The following VTCN1 variants were observed in gnomAD, a reference collection of about 807,000 sequenced individuals.
VTCN1 encodes V-set domain-containing T-cell activation inhibitor 1.
VTCN1 carries 26 observed loss-of-function variants against 26.5 expected under a neutral mutation model. The ratio of observed to expected loss-of-function variants is 0.98; its 90% CI spans 0.72 to 1.36. The LOEUF (loss-of-function observed/expected upper bound fraction) is 1.36. Ranked by LOEUF, VTCN1 falls within the 40% of genes most tolerant of loss-of-function variation. VTCN1 has a pLI of 0.00. For missense variants in VTCN1, 298 were observed against 337.7 expected, an observed-to-expected ratio of 0.88 and a Z score of 0.92; for synonymous variants, 116 against 130.7, an observed-to-expected ratio of 0.89 and a Z score of 0.77.
At chr1:117,209,873 CT>C (rs1649273177) in intron 1 of VTCN1, among the ~76,000 whole-genome samples, 1 of 152,238 alleles carries the variant, frequency 6.6e-6, no homozygotes, top group South Asian at 2.1e-4. Context: ...TAACATTACT[CT>C]CGTAGTCTCT....
intron 1 of VTCN1, among the ~76,000 whole-genome samples, chr1:117,202,464 G>A (rs187796474): frequency 1.4e-3 from 209 of 152,284 alleles, no homozygotes; most frequent in African/African-American, 4.8e-3. Context: ...ATGCTGAAGT[G>A]AAGACAAGAT....
intron 1 of VTCN1, among the ~76,000 whole-genome samples, chr1:117,187,489 C>T (rs1284008182): frequency 6.6e-6 from 1 of 152,112 alleles, no homozygotes; most frequent in East Asian, 1.9e-4. Context: ...TTGTGAGATA[C>T]ACAGACTCCT....
chr1:117,166,703 G>C (rs147190724), intron 2 of VTCN1, among the ~76,000 whole-genome samples: 1 of 150,496 alleles, frequency 6.6e-6, no homozygotes, highest in East Asian at 2.0e-4. Context: ...AAGCCTTAGT[G>C]AGGAAGGTAC....
intron 1 of VTCN1, among the ~76,000 whole-genome samples, chr1:117,177,949 G>T (rs1177170776): frequency 6.7e-6 from 1 of 149,148 alleles, no homozygotes; most frequent in Non-Finnish European, 1.5e-5. Flanking sequence ...GGCGGGGTAG[G>T]TTGGGGGTGG....
chr1:117,158,657 C>T (rs1652213051), intron 2 of VTCN1, among the ~76,000 whole-genome samples: 1 of 152,216 alleles, frequency 6.6e-6, no homozygotes, highest in Non-Finnish European at 1.5e-5. Flanking sequence ...TTCAGCTCCT[C>T]ATTACTTATG....
chr1:117,176,389 A>C (rs1489639062), intron 1 of VTCN1, among the ~76,000 whole-genome samples: 2 of 152,134 alleles, frequency 1.3e-5, no homozygotes, highest in East Asian at 3.9e-4. Flanking sequence ...CATGTTTGGA[A>C]GGCTCCTGTC....
At chr1:117,152,481 A>G (rs1003966155) in intron 4 of VTCN1, among the ~76,000 whole-genome samples, 1 of 152,198 alleles carries the variant, frequency 6.6e-6, no homozygotes, top group African/African-American at 2.4e-5. Context: ...TATGCACTAA[A>G]GCACTGCAGG....
At chr1:117,201,599 ATGAG>A (rs1184187003) in intron 1 of VTCN1, among the ~76,000 whole-genome samples, 1 of 152,198 alleles carries the variant, frequency 6.6e-6, no homozygotes. Flanking sequence ...AGGACCTGGC[ATGAG>A]TAAGTACCCA....
At chr1:117,178,614 G>C (rs1487887501) in intron 1 of VTCN1, among the ~76,000 whole-genome samples, 2 of 51,796 alleles carry the variant, frequency 3.9e-5, no homozygotes, top group Non-Finnish European at 3.6e-5. Flanking sequence ...TTTTTTTAGA[G>C]ACAGGGCCCG....
chr1:117,146,939 G>A lies in VTCN1; in HGVS notation c.*45+674C>T, dbSNP rs1651542739. 6.6e-6 allele frequency among the ~76,000 whole-genome samples: 1 copy of A among 152,124 alleles called. No individual in the cohort carries two copies. Among genetic ancestry groups the A allele is most frequent in the African/African-American group, 2.4e-5 (1 of 41,410 alleles). ...AGGGTCAATCTGAGAGGCAACACAGGGGAAAATGTGATAGGTAGGGGTTGA... is the reference window on the plus strand; with the variant it reads ...AGGGTCAATCTGAGAGGCAACACAGAGGAAAATGTGATAGGTAGGGGTTGA... On this transcript the variant is annotated intron_variant, in intron 5 of 5. Coordinates refer to ENST00000369458, the MANE Select transcript of VTCN1 (RefSeq NM_024626.4). This position sits in a 1 kb window ranked among gnomAD's most constrained non-coding sequence, Gnocchi z 4.2.
At chr1:117,163,414 G>A (rs970729344) in intron 2 of VTCN1, among the ~76,000 whole-genome samples, 4 of 152,142 alleles carry the variant, frequency 2.6e-5, no homozygotes, top group African/African-American at 9.7e-5. Flanking sequence ...GCTAAATATT[G>A]TACCTGAATT....
In VTCN1 at chr1:117,153,256, G is replaced by A. The variant is rs751633017; in HGVS notation, c.559C>T (p.Gln187Ter). 8.1e-6 allele frequency: 13 copies of A among 1,613,952 alleles called. No homozygotes were observed. The Admixed American group carries it at 2.2e-4, about 27-fold the overall frequency. Reference sequence around the variant, plus strand: ...GAGACTTCCGAGAAGTTGGCTCCCTGGTCAACTTGGGATGCCCAGACCACT... The same window carrying A: ...GAGACTTCCGAGAAGTTGGCTCCCTAGTCAACTTGGGATGCCCAGACCACT... ...PTVVWASQVD[Q>*]GANFSEVSNT... The change falls in exon 4 of 6, where the codon CAG becomes TAG. Residue 187 changes from glutamine (Q) to a stop codon, truncating the protein, a stop_gained. Coordinates refer to ENST00000369458, the MANE Select transcript of VTCN1 (RefSeq NM_024626.4). LOFTEE classifies it high-confidence loss of function.
At chr1:117,148,020 T>A (rs940570103) in intron 4 of VTCN1, among the ~76,000 whole-genome samples, 7 of 152,196 alleles carry the variant, frequency 4.6e-5, no homozygotes, top group Admixed American at 1.3e-4. Flanking sequence ...TGAAAAACTA[T>A]ACCAATAAGA....
intron 2 of VTCN1, among the ~76,000 whole-genome samples, chr1:117,162,723 G>A (rs1476956762): frequency 1.3e-5 from 2 of 152,192 alleles, no homozygotes; most frequent in Non-Finnish European, 2.9e-5. Flanking sequence ...TGAGGAAAGT[G>A]GGGCTGTTAA....
chr1:117,144,438 C>A lies in VTCN1; in HGVS notation c.*833G>T, dbSNP rs1651408968. ...TCTAGATGCTATTGAAAACTGAGGT[C>A]TTAGCTGTCCACGCAGGATGGAAAG... is the stretch of plus-strand genomic sequence containing the variant. On this transcript the variant is annotated 3_prime_UTR_variant, in exon 6 of 6. Coordinates refer to ENST00000369458, the MANE Select transcript of VTCN1 (RefSeq NM_024626.4). The A allele has an allele frequency of 2.6e-5, 4 of 152,150 alleles. No homozygotes were observed. Among genetic ancestry groups the A allele is most frequent in the Admixed American group, 2.0e-4 (3 of 15,266 alleles). The allele number at this position is 152,150 out of a possible 1,614,324, so 9.4% of individuals were successfully genotyped here.
chr1:117,172,627 A>G (rs770853647), intron 1 of VTCN1, among the ~76,000 whole-genome samples: 1 of 151,858 alleles, frequency 6.6e-6, no homozygotes, highest in Non-Finnish European at 1.5e-5. Context: ...ACCTATTATA[A>G]AGGCTGCATG....
In VTCN1 at chr1:117,199,624, C is replaced by A. The variant is rs376225571; in HGVS notation, c.32+11200G>T. Reference sequence around the variant, plus strand: ...TACAGGCGTGGGCCACTGTGCCCGGCCACAAGGAATTTTTTTTTTTTTTTT... The same window carrying A: ...TACAGGCGTGGGCCACTGTGCCCGGACACAAGGAATTTTTTTTTTTTTTTT... On this transcript the variant is annotated intron_variant, in intron 1 of 5. Transcript: ENST00000369458. Among the ~76,000 whole-genome samples the A allele has an allele frequency of 7.2e-5, 11 of 151,986 alleles. No homozygotes were observed. The East Asian group carries it at 1.5e-3, about 21-fold the overall frequency.
chr1:117,195,653 T>A (rs1285656398), intron 1 of VTCN1, among the ~76,000 whole-genome samples: 2 of 152,180 alleles, frequency 1.3e-5, no homozygotes, highest in African/African-American at 4.8e-5. Flanking sequence ...TAGTGAAAGT[T>A]ATTACTTTAA....
In VTCN1 at chr1:117,164,760, G is replaced by A. The variant is rs535759274; in HGVS notation, c.97+5347C>T. Among the ~76,000 whole-genome samples the A allele has an allele frequency of 6.0e-4, 91 of 152,324 alleles. 1 individual carries two copies. Among genetic ancestry groups the A allele is most frequent in the Middle Eastern group, 3.4e-3 (1 of 294 alleles). ...AGAGCTGTTCAAAGTCAGAGGGTGC[G>A]TGATAGCGCAGGGACTGGGCTGGGT... On this transcript the variant is annotated intron_variant, in intron 2 of 5. Transcript: ENST00000369458.
Sources: gnomAD v4.1 joint callset for allele counts (sites outside exome capture counted in the v4.1 genomes callset) on GRCh38, gnomAD v4.1.1 for gene constraint, Gnocchi (gnomAD v3.1) non-coding constraint, MANE v1.5 for transcripts, NCBI Gene and HGNC (gene_info 2026-07-23, HGNC 2026-07-21) for gene names.